The following BCL2L11 variants were observed in gnomAD, a reference collection of about 807,000 sequenced individuals.
BCL2L11 encodes the protein bcl-2-like protein 11.
A neutral mutation model predicts 20.6 loss-of-function variants in BCL2L11; 15 were observed. The observed-to-expected ratio is 0.73, with a 90% CI of 0.49 to 1.12. The LOEUF (loss-of-function observed/expected upper bound fraction) is 1.12, where lower values mean the gene tolerates loss of function less well. Among genes scored for constraint, BCL2L11 ranks in the 50% most tolerant of loss-of-function variants. The pLI is 0.00. For synonymous variants in BCL2L11, 108 were observed against 92.8 expected (o/e 1.16, Z -0.94); for missense variants, 292 against 260.9 (o/e 1.12, Z -0.82).
chr2:111,150,399 TAAA>T, intron 3 of BCL2L11: 1 of 545,492 alleles, frequency 1.8e-6, no homozygotes, highest in African/African-American at 2.0e-5. Context: ...AAAACAATGC[TAAA>T]AAAGGGATTA....
At chr2:111,164,085 A>ACC in intron 3 of BCL2L11, 48 bp from the exon 4 acceptor site, 2 of 573,826 alleles carry the variant, frequency 3.5e-6, no homozygotes, top group Non-Finnish European at 6.9e-6. Context: ...ACCCCTCCCC[A>ACC]CCCCCAAATT....
intron 2 of BCL2L11, chr2:111,128,806 A>G (rs545921553): frequency 2.0e-6 from 3 of 1,506,600 alleles, no homozygotes; most frequent in East Asian, 2.5e-5. Flanking sequence ...ATTTTGTCAT[A>G]TGGTCATTGG....
intron 3 of BCL2L11, among the ~76,000 whole-genome samples, chr2:111,154,851 A>G (rs191618254): frequency 5.3e-5 from 8 of 152,344 alleles, no homozygotes; most frequent in East Asian, 1.9e-4. Flanking sequence ...ATGGGCTGCA[A>G]TGCGTTACTG....
intron 2 of BCL2L11, among the ~76,000 whole-genome samples, chr2:111,134,814 G>A (rs1390274154): frequency 6.6e-6 from 1 of 152,176 alleles, no homozygotes; most frequent in African/African-American, 2.4e-5. Flanking sequence ...ATCTCTTTCA[G>A]TACTTGGAAA....
chr2:111,160,021 G>A (rs1316710113), intron 3 of BCL2L11, among the ~76,000 whole-genome samples: 4 of 152,258 alleles, frequency 2.6e-5, no homozygotes, highest in African/African-American at 9.6e-5. Flanking sequence ...CTGTGGGGGA[G>A]CAATCCTGCA....
At chr2:111,123,318 G>T (rs889507208) in intron 1 of BCL2L11, 40 of 985,382 alleles carry the variant, frequency 4.1e-5, no homozygotes, top group Admixed American at 1.8e-4. Flanking sequence ...GCGGCCAGCC[G>T]CCTGCAATCG....
At chr2:111,138,949 A>G (rs559865606) in intron 2 of BCL2L11, among the ~76,000 whole-genome samples, 33 of 152,294 alleles carry the variant, frequency 2.2e-4, no homozygotes, top group Middle Eastern at 3.4e-3. Context: ...CTTGCCCCTC[A>G]ATGAGCCCTC....
At position 111,123,784 on chromosome 2, in the gene BCL2L11, C is replaced by G. The variant is rs112446582; in HGVS notation, c.39C>G (p.Asp13Glu). 7.6e-6 allele frequency: 11 copies of G among 1,448,586 alleles called. No homozygotes were observed. Among genetic ancestry groups the G allele is most frequent in the Non-Finnish European group, 1.0e-5 (11 of 1,096,072 alleles). 89.7% of individuals were successfully genotyped at this position (1,448,586 alleles called of 1,614,324 possible). Residue 13 changes from aspartate to glutamate, a missense_variant, in exon 2 of 4, where the codon GAC (aspartate) becomes GAG (glutamate). Coordinates refer to ENST00000393256, the MANE Select transcript of BCL2L11 (RefSeq NM_138621.5). ...CTTCTGATGTAAGTTCTGAGTGTGA[C>G]CGAGAAGGTAGACAATTGCAGCCTG... ...KQPSDVSSEC[D>E]REGRQLQPAE...
intron 2 of BCL2L11, chr2:111,131,226 CG>C: frequency 6.8e-4 from 1 of 1,478 alleles, no homozygotes; most frequent in East Asian, 0.02. Context: ...GGGATGGGGG[CG>C]GGGGTGGGGG....
At chr2:111,130,740 G>A (rs1320696492) in intron 2 of BCL2L11, among the ~76,000 whole-genome samples, 1 of 152,146 alleles carries the variant, frequency 6.6e-6, no homozygotes, top group East Asian at 1.9e-4. Context: ...CTAAGTGTAG[G>A]TTTTATATGG....
chr2:111,152,772 G>A (rs1161545413), intron 3 of BCL2L11, among the ~76,000 whole-genome samples: 1 of 152,136 alleles, frequency 6.6e-6, no homozygotes, highest in African/African-American at 2.4e-5. Flanking sequence ...TTCTCCCAAT[G>A]TCATTTCACA....
chr2:111,123,669 A>T, intron 1 of BCL2L11, 64 bp from the exon 2 acceptor site: 1 of 1,345,306 alleles, frequency 7.4e-7, no homozygotes, highest in Non-Finnish European at 9.7e-7. Context: ...GGTGAGAGCT[A>T]ATTTGTTTAT....
intron 2 of BCL2L11, chr2:111,128,730 C>A: frequency 6.5e-7 from 1 of 1,548,368 alleles, no homozygotes; most frequent in Non-Finnish European, 8.7e-7. Flanking sequence ...CAGAACAACT[C>A]AACCACAAGG....
At chr2:111,130,700 GCTTT>G (rs1559028852) in intron 2 of BCL2L11, among the ~76,000 whole-genome samples, 2 of 152,192 alleles carry the variant, frequency 1.3e-5, no homozygotes, top group Non-Finnish European at 2.9e-5. Context: ...TAGGGGGAAA[GCTTT>G]CTGTTTTTAA....
At chr2:111,130,035 A>C (rs2073582403) in intron 2 of BCL2L11, 2 of 342,666 alleles carry the variant, frequency 5.8e-6, no homozygotes, top group South Asian at 4.3e-5. Flanking sequence ...CTGTGTTTGC[A>C]TGTTCTGGCA....
intron 2 of BCL2L11, 129 bp from the exon 3 acceptor site, chr2:111,149,915 A>G (rs996978184): frequency 1.5e-6 from 1 of 677,210 alleles, no homozygotes; most frequent in Non-Finnish European, 2.4e-6. Flanking sequence ...GTAGTTGTTG[A>G]AGTCAGGGAG....
At chr2:111,152,011 G>A in intron 3 of BCL2L11, 1 of 864,254 alleles carries the variant, frequency 1.2e-6, no homozygotes, top group Non-Finnish European at 1.8e-6. Context: ...GTGACTGGAA[G>A]TGGCTGTCTC....
chr2:111,120,917 T>A lies in BCL2L11; in HGVS notation c.-285T>A. On this transcript the variant is annotated 5_prime_UTR_variant, in exon 1 of 4. Coordinates refer to ENST00000393256, the MANE Select transcript of BCL2L11 (RefSeq NM_138621.5). Reference sequence around the variant, plus strand: ...GCTGCAGGGCCGCGCAGGTTTCACTTCGCTCCGCGCAGCCGCCTGGTCTGC... The same window carrying A: ...GCTGCAGGGCCGCGCAGGTTTCACTACGCTCCGCGCAGCCGCCTGGTCTGC... 1 of 336,170 alleles carries A rather than the reference T, an allele frequency of 3.0e-6. No homozygotes were observed. The highest frequency in any genetic ancestry group is 5.3e-6 in the Non-Finnish European group (1 of 188,908). 20.8% of individuals were successfully genotyped at this position (336,170 alleles called of 1,614,324 possible).
intron 1 of BCL2L11, chr2:111,123,078 C>A: frequency 1.0e-6 from 1 of 973,984 alleles, no homozygotes; most frequent in Non-Finnish European, 1.2e-6. Context: ...TAGAGATGTG[C>A]ACCTCACGGT....
Sources: allele counts gnomAD v4.1 joint callset (sites outside exome capture counted in the v4.1 genomes callset), GRCh38; gene constraint gnomAD v4.1.1; transcripts MANE v1.5; gene names NCBI Gene and HGNC (gene_info 2026-07-23, HGNC 2026-07-21).